The following GATAD2A variants were observed in gnomAD, a reference collection of about 807,000 sequenced individuals.
The protein encoded by GATAD2A is GATA zinc finger domain containing 2A.
In GATAD2A, 12 loss-of-function variants were observed where a neutral mutation model predicts 68.5. The observed-to-expected ratio is 0.18, with a 90% confidence interval of 0.11 to 0.28. GATAD2A has a LOEUF of 0.28. Ranked by LOEUF, GATAD2A falls within the 10% of genes least tolerant of loss-of-function variation. The pLI, the probability that GATAD2A is intolerant of heterozygous loss-of-function variation, is 1.00. For synonymous variants in GATAD2A, 410 were observed against 375.3 expected (o/e 1.09, Z -1.07); for missense variants, 755 against 868.5 (o/e 0.87, Z 1.64).
intron 1 of GATAD2A, among the ~76,000 whole-genome samples, chr19:19,389,252 G>C (rs926191770): frequency 6.6e-6 from 1 of 152,144 alleles, no homozygotes; most frequent in Non-Finnish European, 1.5e-5. Flanking sequence ...TCGTGTCCAC[G>C]CACAAGTCTC....
chr19:19,478,359 G>A (rs1042471308), intron 2 of GATAD2A, among the ~76,000 whole-genome samples: 1 of 152,156 alleles, frequency 6.6e-6, no homozygotes, highest in Non-Finnish European at 1.5e-5. Context: ...CCAGCACTTT[G>A]GGAGGCCGAG....
chr19:19,419,738 A>G (rs900020366), intron 1 of GATAD2A, among the ~76,000 whole-genome samples: 2 of 150,848 alleles, frequency 1.3e-5, no homozygotes, highest in Non-Finnish European at 3.0e-5. Flanking sequence ...CTGGTCTTGA[A>G]CTCCTGACCT....
chr19:19,451,313 G>T (rs140410623), intron 1 of GATAD2A, among the ~76,000 whole-genome samples: 1 of 152,074 alleles, frequency 6.6e-6, no homozygotes, highest in South Asian at 2.1e-4. Flanking sequence ...CCCAGGAGGC[G>T]GATATTGCAG....
intron 8 of GATAD2A, 106 bp downstream of exon 8, chr19:19,498,828 GC>G: frequency 1.0e-6 from 1 of 988,270 alleles, no homozygotes; most frequent in African/African-American, 1.6e-5. Flanking sequence ...GGGCTGCCTA[GC>G]CAGGATGGTC....
chr19:19,414,962 A>C (rs904628257), intron 1 of GATAD2A, among the ~76,000 whole-genome samples: 1 of 150,790 alleles, frequency 6.6e-6, no homozygotes, highest in Middle Eastern at 3.4e-3. Flanking sequence ...AGCCTTAAAA[A>C]AAAACTATAG....
intron 1 of GATAD2A, among the ~76,000 whole-genome samples, chr19:19,444,108 GGGCAT>G (rs1484234213): frequency 2.6e-5 from 4 of 152,134 alleles, no homozygotes; most frequent in Admixed American, 2.6e-4. Context: ...GGACAGCTAA[GGGCAT>G]GAGCTTCTGG....
In GATAD2A at chr19:19,505,555, C is replaced by A. The variant is rs1362670778; in HGVS notation, c.*81C>A. On this transcript the variant is annotated 3_prime_UTR_variant, in exon 12 of 12. Coordinates refer to ENST00000683918, the MANE Select transcript of GATAD2A (RefSeq NM_001384528.1). ...CTAGAAGGACCCACTGCACCACCCTCCGCTGGCTCGGGAAGACACCGTGCC... is the reference window on the plus strand; with the variant it reads ...CTAGAAGGACCCACTGCACCACCCTACGCTGGCTCGGGAAGACACCGTGCC... The A allele has an allele frequency of 8.4e-6, 11 of 1,302,560 alleles. No homozygotes were observed. The highest frequency in any genetic ancestry group is 1.5e-5 in the African/African-American group (1 of 66,120). 80.7% of individuals were successfully genotyped at this position (1,302,560 alleles called of 1,614,324 possible).
chr19:19,502,673 G>T, intron 11 of GATAD2A, 147 bp downstream of exon 11: 1 of 632,064 alleles, frequency 1.6e-6, no homozygotes, highest in Non-Finnish European at 2.7e-6. Context: ...TTTCCCTCTT[G>T]CCCCTAACCA....
At chr19:19,473,137 G>A (rs1267535256) in intron 2 of GATAD2A, among the ~76,000 whole-genome samples, 1 of 152,192 alleles carries the variant, frequency 6.6e-6, no homozygotes, top group Non-Finnish European at 1.5e-5. Flanking sequence ...CGTTAGTGGT[G>A]TGTGGCGTTC....
chr19:19,386,966 AC>A (rs1373556188), intron 1 of GATAD2A, among the ~76,000 whole-genome samples: 1 of 147,462 alleles, frequency 6.8e-6, no homozygotes, highest in Non-Finnish European at 1.5e-5. Context: ...CTATCTGAGG[AC>A]CCCCGCCTCT....
intron 1 of GATAD2A, among the ~76,000 whole-genome samples, chr19:19,425,909 C>T (rs1277521657): frequency 1.3e-5 from 2 of 152,090 alleles, no homozygotes; most frequent in East Asian, 3.8e-4. Context: ...CCCATGTCAG[C>T]CTCTAGCGTA....
At chr19:19,438,206 A>G (rs2054591001) in intron 1 of GATAD2A, among the ~76,000 whole-genome samples, 1 of 152,204 alleles carries the variant, frequency 6.6e-6, no homozygotes, top group Non-Finnish European at 1.5e-5. Context: ...GGGTAGGACT[A>G]GGGACTCAGA....
In GATAD2A at chr19:19,422,484, T is replaced by C. The variant is rs1163258747; in HGVS notation, c.-7+16465T>C. Among the ~76,000 whole-genome samples the C allele has an allele frequency of 5.3e-5, 8 of 152,314 alleles. No homozygotes were observed. The East Asian group carries it at 1.5e-3, about 29-fold the overall frequency. ...TTTCCCCAAGCCTCGGTGTCCCTTC[T>C]GTGACATCTAAGACTTCAGGGAGGC... On this transcript the variant is annotated intron_variant, in intron 1 of 11. Coordinates refer to ENST00000683918, the MANE Select transcript of GATAD2A (RefSeq NM_001384528.1).
In GATAD2A at chr19:19,506,003, A is replaced by T. The variant is rs975540267; in HGVS notation, c.*529A>T. 7.5e-6 allele frequency: 3 copies of T among 397,708 alleles called. No individual in the cohort carries two copies. The highest frequency in any genetic ancestry group is 6.2e-5 in the African/African-American group (3 of 48,048). The allele number at this position is 397,708 out of a possible 1,614,324, so 24.6% of individuals were successfully genotyped here. A position where few individuals can be genotyped will look rare whatever the true frequency, so the allele number is the denominator to read the frequency against. ...TTTTTTTTTTAATCACCTCATGATG[A>T]TGGAGTTAAAAGTAAACCGTGCAGA... On this transcript the variant is annotated 3_prime_UTR_variant, in exon 12 of 12. Transcript: ENST00000683918.
At chr19:19,388,057 CCTT>C (rs777753343) in intron 1 of GATAD2A, among the ~76,000 whole-genome samples, 61 of 126,002 alleles carry the variant, frequency 4.8e-4, no homozygotes, top group Admixed American at 1.4e-3. Context: ...AGCTTCTCCT[CCTT>C]TTTTTTTTTT....
intron 8 of GATAD2A, among the ~76,000 whole-genome samples, chr19:19,499,226 T>C (rs1179669044): frequency 6.6e-6 from 1 of 152,090 alleles, no homozygotes; most frequent in African/African-American, 2.4e-5. Flanking sequence ...TAAAAAGACA[T>C]CTACGGGGTG....
Position 19,507,067 on chromosome 19 carries a change from T to C in GATAD2A, c.*1593T>C, listed in dbSNP as rs932481767. ...CTAGTTTTGGAAAACATTATCTAATTTTTTGTTGTGCAAATCCCCAAATTT... is the reference window on the plus strand; with the variant it reads ...CTAGTTTTGGAAAACATTATCTAATCTTTTGTTGTGCAAATCCCCAAATTT... On this transcript the variant is annotated 3_prime_UTR_variant, in exon 12 of 12. Coordinates refer to ENST00000683918, the MANE Select transcript of GATAD2A (RefSeq NM_001384528.1). 1.3e-5 allele frequency: 2 copies of C among 152,114 alleles called. No homozygotes were observed. Among genetic ancestry groups the C allele is most frequent in the Non-Finnish European group, 2.9e-5 (2 of 68,026 alleles). The allele number at this position is 152,114 out of a possible 1,614,324, so 9.4% of individuals were successfully genotyped here. A position where few individuals can be genotyped will look rare whatever the true frequency, so the allele number is the denominator to read the frequency against.
Position 19,448,626 on chromosome 19 carries a change from T to A in GATAD2A, c.-6-16714T>A, listed in dbSNP as rs139434111. ...GCCTCAGCTTTCTGGGTACCTGGGA[T>A]TACAGGCGCCCACCACCATGCTGGC... On this transcript the variant is annotated intron_variant, in intron 1 of 11. Coordinates refer to ENST00000683918, the MANE Select transcript of GATAD2A (RefSeq NM_001384528.1). 2.2e-3 allele frequency among the ~76,000 whole-genome samples: 337 copies of A among 152,232 alleles called. 2 individuals are homozygous for A. Among genetic ancestry groups the A allele is most frequent in the South Asian group, 0.016 (78 of 4,828 alleles).
chr19:19,445,231 TG>T (rs897842213), intron 1 of GATAD2A, among the ~76,000 whole-genome samples: 3 of 152,150 alleles, frequency 2.0e-5, no homozygotes. Context: ...TGTGGTTGTT[TG>T]GGGTCTTGTT....
Sources: allele counts gnomAD v4.1 joint callset (sites outside exome capture counted in the v4.1 genomes callset), GRCh38; gene constraint gnomAD v4.1.1; transcripts MANE v1.5; gene names NCBI Gene and HGNC (gene_info 2026-07-23, HGNC 2026-07-21).